Variants in SNX19 observed in about 807,000 individuals in gnomAD.
The protein encoded by SNX19 is sorting nexin 19, also known as sorting nexin-19.
SNX19 carries 60 observed loss-of-function variants against 85.2 expected under a neutral mutation model. The ratio of observed to expected loss-of-function variants is 0.70; its 90% CI spans 0.57 to 0.87. The LOEUF (loss-of-function observed/expected upper bound fraction) is 0.87. SNX19 is among the 40% of genes least tolerant of loss of function. The pLI is 0.00. For missense variants in SNX19, 1,201 were observed against 1,217.8 expected (o/e 0.99, Z 0.21); for synonymous variants, 520 against 470.0 (o/e 1.11, Z -1.38).
chr11:130,881,074 A>C, intron 8 of SNX19: 1 of 293,926 alleles, frequency 3.4e-6, no homozygotes, highest in East Asian at 5.6e-5. Context: ...GAACAAGGAA[A>C]AGGGCCCTTG....
In SNX19 at chr11:130,905,611, G is replaced by A. The variant is rs1001485352; in HGVS notation, c.2443+342C>T. The stretch of plus-strand genomic sequence containing the variant: ...AAGGCATGAAGGAAACCAGGAAACT[G>A]AGACACTAAGGGAAGAAAGTTTCTA... On this transcript the variant is annotated intron_variant, in intron 7 of 10. Transcript: ENST00000265909. 3 of 1,391,462 alleles carry A rather than the reference G, an allele frequency of 2.2e-6. No homozygotes were observed. In the Admixed American group the frequency reaches 7.9e-5, roughly 37 times the overall value. The allele number at this position is 1,391,462 out of a possible 1,614,324, so 86.2% of individuals were successfully genotyped here.
At chr11:130,911,588 G>A (rs756570884) in intron 2 of SNX19, 45 bp downstream of exon 2, 13 of 1,611,684 alleles carry the variant, frequency 8.1e-6, no homozygotes, top group South Asian at 4.4e-5. Context: ...AGCGTGGCTC[G>A]ACGTGGGAAG....
chr11:130,886,429 T>G (rs1018063215), intron 8 of SNX19, among the ~76,000 whole-genome samples: 1 of 152,166 alleles, frequency 6.6e-6, no homozygotes, highest in East Asian at 1.9e-4. Context: ...AAAACACTCA[T>G]GCAGTGTCAA....
rs987802430 is a variant in SNX19 at position 130,880,867 on chromosome 11, C to A, written c.2574-61G>T. 8.8e-6 allele frequency: 12 copies of A among 1,368,254 alleles called. No individual in the cohort carries two copies. The East Asian group carries it at 2.6e-4, about 30-fold the overall frequency. The allele number at this position is 1,368,254 out of a possible 1,614,324, so 84.8% of individuals were successfully genotyped here. A position where few individuals can be genotyped will look rare whatever the true frequency, so the allele number is the denominator to read the frequency against. On this transcript the variant is annotated intron_variant, in intron 8 of 10. Transcript: ENST00000265909. ...TGAAGGAAAGGAAATAACAAGGCAGCGGACTGACTGTTTATGTTCCCCTGC... is the reference window on the plus strand; with the variant it reads ...TGAAGGAAAGGAAATAACAAGGCAGAGGACTGACTGTTTATGTTCCCCTGC...
At position 130,914,524 on chromosome 11, in the gene SNX19, T is replaced by G. The variant is rs774977610; in HGVS notation, c.1416A>C (p.Pro472=). The G allele has an allele frequency of 1.2e-6, 2 of 1,613,996 alleles. No individual in the cohort carries two copies. Among genetic ancestry groups the G allele is most frequent in the South Asian group, 2.2e-5 (2 of 91,078 alleles). The change falls in exon 1 of 11, where the codon CCA becomes CCC. Residue 472 remains proline (P), a synonymous_variant. Transcript: ENST00000265909. ...TASVTALLEG[P]EKTCPSRPSC... is the part of the protein sequence containing the mutation. ...ACGGCCGTGAGGGGCAGGTCTTTTCTGGCCCCTCCAGCAAAGCTGTAACAG... is the reference window on the plus strand; with the variant it reads ...ACGGCCGTGAGGGGCAGGTCTTTTCGGGCCCCTCCAGCAAAGCTGTAACAG...
chr11:130,879,748 CA>C, intron 9 of SNX19, 37 bp from the exon 10 acceptor site: 7 of 1,588,758 alleles, frequency 4.4e-6, no homozygotes, highest in African/African-American at 2.7e-5. Context: ...TGCGTGTTAT[CA>C]CTGAAGTTTT....
At position 130,875,720 on chromosome 11, in the gene SNX19, G is replaced by T. The variant is rs969653984; in HGVS notation, c.*2702C>A. 2.6e-5 allele frequency: 4 copies of T among 152,012 alleles called. No individual in the cohort carries two copies. Among genetic ancestry groups the T allele is most frequent in the African/African-American group, 9.7e-5 (4 of 41,384 alleles). The allele number at this position is 152,012 out of a possible 1,614,324, so 9.4% of individuals were successfully genotyped here. A position where few individuals can be genotyped will look rare whatever the true frequency, so the allele number is the denominator to read the frequency against. On this transcript the variant is annotated 3_prime_UTR_variant, in exon 11 of 11. Transcript: ENST00000265909. The stretch of plus-strand genomic sequence containing the variant: ...GAGGTCGGGGGAGGGGGAAGGGATA[G>T]CATCAGGAGATATACCTAATGTAAA...
chr11:130,914,093 G>A (rs1290355934), intron 1 of SNX19, among the ~76,000 whole-genome samples, 173 bp downstream of exon 1: 1 of 151,954 alleles, frequency 6.6e-6, no homozygotes, highest in Non-Finnish European at 1.5e-5. Context: ...GTGAGTACAG[G>A]ATAAACGCTA....
At chr11:130,913,088 G>C (rs1381644465) in intron 1 of SNX19, among the ~76,000 whole-genome samples, 1 of 152,128 alleles carries the variant, frequency 6.6e-6, no homozygotes, top group Non-Finnish European at 1.5e-5. Context: ...CAAATAATGG[G>C]AGAAAGACTG....
In SNX19 at chr11:130,915,458, A is replaced by T; in HGVS notation, c.482T>A (p.Leu161His). The T allele has an allele frequency of 6.2e-7, 1 of 1,614,110 alleles. No individual in the cohort carries two copies. Among genetic ancestry groups the T allele is most frequent in the Non-Finnish European group, 8.5e-7 (1 of 1,180,030 alleles). The stretch of plus-strand genomic sequence containing the variant: ...GTAGCTCTGCAGGTGACAACCGCAG[A>T]GAGTCAGAACACTCTGGGCAACAGC... ...SHAVAQSVLT[L>H]CGCHLQSYIQ... is the part of the protein sequence containing the mutation. Residue 161 changes from leucine (L) to histidine (H), a missense_variant, in exon 1 of 11, where the codon CTC becomes CAC. Transcript: ENST00000265909.
chr11:130,898,857 A>G (rs1945060372), intron 8 of SNX19, among the ~76,000 whole-genome samples: 1 of 152,150 alleles, frequency 6.6e-6, no homozygotes, highest in South Asian at 2.1e-4. Context: ...ACTGCCTGAT[A>G]ATCTCCAGTA....
In SNX19 at chr11:130,911,679, C is replaced by T; in HGVS notation, c.1767G>A (p.Leu589=). The part of the protein sequence containing the change: ...VNRRYREFLN[L]QTRLEEKPDL... ...CTGGTTTCTCCTCCAGACGGGTCTG[C>T]AGATTCAAGAACTCCCGATAGCGAC... Residue 589 remains leucine, a synonymous_variant, in exon 2 of 11, where the codon CTG becomes CTA. Transcript: ENST00000265909. 1 of 1,614,152 alleles carries T rather than the reference C, an allele frequency of 6.2e-7. No individual in the cohort carries two copies. The highest frequency in any genetic ancestry group is 8.5e-7 in the Non-Finnish European group (1 of 1,180,032).
chr11:130,906,595 G>C (rs367844061), intron 6 of SNX19, 30 bp downstream of exon 6: 77 of 1,473,112 alleles, frequency 5.2e-5, no homozygotes, highest in Non-Finnish European at 7.2e-5. Flanking sequence ...AGATATTTTT[G>C]CCTCACATTC....
At chr11:130,888,515 A>G (rs911559719) in intron 8 of SNX19, among the ~76,000 whole-genome samples, 1 of 152,152 alleles carries the variant, frequency 6.6e-6, no homozygotes, top group Non-Finnish European at 1.5e-5. Flanking sequence ...TCCATACACA[A>G]TGTAACTACA....
intron 8 of SNX19, among the ~76,000 whole-genome samples, chr11:130,881,403 A>C (rs778402733): frequency 6.6e-5 from 10 of 152,132 alleles, no homozygotes; most frequent in Admixed American, 2.6e-4. Context: ...CAGAACACTA[A>C]AAGGGCCTCC....
chr11:130,869,238 CG>C lies in SNX19; in HGVS notation c.*9183del, dbSNP rs1942914902. On this transcript the variant is annotated 3_prime_UTR_variant, in exon 11 of 11. Transcript: ENST00000265909. Reference sequence around the variant, plus strand: ...CTGTGTATGTCTCAGTCAAGCTGTGCGGGTCCAGCCAATTTAAGATAAACTC... The same window carrying C: ...CTGTGTATGTCTCAGTCAAGCTGTGCGGTCCAGCCAATTTAAGATAAACTC... The C allele has an allele frequency of 6.6e-6, 1 of 152,010 alleles. No homozygotes were observed. Among genetic ancestry groups the C allele is most frequent in the Admixed American group, 6.5e-5 (1 of 15,272 alleles). 9.4% of individuals were successfully genotyped at this position (152,010 alleles called of 1,614,324 possible).
At chr11:130,906,584 C>T (rs773034229) in intron 6 of SNX19, 41 bp downstream of exon 6, 3 of 1,379,184 alleles carry the variant, frequency 2.2e-6, no homozygotes, top group Non-Finnish European at 3.1e-6. Flanking sequence ...ACCAACATCT[C>T]AGATATTTTT....
chr11:130,903,407 G>C (rs755851771), intron 7 of SNX19, 23 bp from the exon 8 acceptor site: 2 of 1,610,946 alleles, frequency 1.2e-6, no homozygotes, highest in Non-Finnish European at 1.7e-6. Flanking sequence ...ATGGCATCAG[G>C]AGTAACTCAG....
At position 130,906,040 on chromosome 11, in the gene SNX19, C is replaced by G; in HGVS notation, c.2356G>C (p.Asp786His). 1 of 1,614,200 alleles carries G rather than the reference C, an allele frequency of 6.2e-7. No homozygotes were observed. Among genetic ancestry groups the G allele is most frequent in the Non-Finnish European group, 8.5e-7 (1 of 1,180,032 alleles). The change falls in exon 7 of 11, where the codon GAT becomes CAT. Residue 786 changes from aspartate (D) to histidine (H), a missense_variant. Transcript: ENST00000265909. ...EMQPTKAPEKDPEQPPKGRVD... is the reference protein window; with the variant it reads ...EMQPTKAPEKHPEQPPKGRVD... Reference sequence around the variant, plus strand: ...CGTCCTTTGGGAGGTTGTTCAGGATCTTTTTCTGGGGCTTTTGTTGGCTGC... The same window carrying G: ...CGTCCTTTGGGAGGTTGTTCAGGATGTTTTTCTGGGGCTTTTGTTGGCTGC...
Sources: allele counts gnomAD v4.1 joint callset (sites outside exome capture counted in the v4.1 genomes callset), GRCh38; gene constraint gnomAD v4.1.1; transcripts MANE v1.5; gene names NCBI Gene and HGNC (gene_info 2026-07-23, HGNC 2026-07-21).